The following RCBTB2 variants were observed in gnomAD, a reference collection of about 807,000 sequenced individuals.
The protein encoded by RCBTB2 is RCC1 and BTB domain-containing protein 2.
A neutral mutation model predicts 65.4 loss-of-function variants in RCBTB2; 55 were observed. That is an observed-to-expected ratio of 0.84 (90% CI 0.68 to 1.05). The LOEUF is 1.05. Ranked by LOEUF, RCBTB2 falls within the 50% of genes least tolerant of loss-of-function variation. RCBTB2 has a pLI of 0.00. For missense variants in RCBTB2, 599 were observed against 680.1 expected (o/e 0.88, Z 1.33); for synonymous variants, 220 against 255.2 (o/e 0.86, Z 1.31).
At chr13:48,503,299 G>A (rs764740275) in intron 10 of RCBTB2, among the ~76,000 whole-genome samples, 12 of 152,112 alleles carry the variant, frequency 7.9e-5, no homozygotes, top group Non-Finnish European at 1.3e-4. Flanking sequence ...ATCACTTACT[G>A]AAGAAAATAA....
chr13:48,531,238 TG>T (rs1263026328), intron 1 of RCBTB2, among the ~76,000 whole-genome samples: 1 of 152,250 alleles, frequency 6.6e-6, no homozygotes, highest in Non-Finnish European at 1.5e-5. Context: ...CAATTTTTGT[TG>T]AATAAATGAA....
chr13:48,518,472 A>AAAAAATATATAT (rs1491137365), intron 4 of RCBTB2, among the ~76,000 whole-genome samples: 141 of 116,556 alleles, frequency 1.2e-3, no homozygotes, highest in African/African-American at 5.2e-3. Context: ...AAAAAAAAAA[A>AAAAAATATATAT]ATATATATAT....
chr13:48,509,407 T>C (rs1274098165), intron 10 of RCBTB2, among the ~76,000 whole-genome samples: 2 of 152,208 alleles, frequency 1.3e-5, no homozygotes, highest in African/African-American at 4.8e-5. Flanking sequence ...CCTTTAACTC[T>C]GTTTTTCAGT....
chr13:48,490,315 G>T, intron 14 of RCBTB2, 64 bp from the exon 15 acceptor site: 1 of 1,440,914 alleles, frequency 6.9e-7, no homozygotes, highest in Non-Finnish European at 9.6e-7. Context: ...AACATAGCAT[G>T]AAAATCGCTA....
chr13:48,534,664 C>A (rs191614300), upstream of RCBTB2, among the ~76,000 whole-genome samples: 9 of 152,340 alleles, frequency 5.9e-5, no homozygotes, highest in Admixed American at 5.9e-4. Context: ...GAATGTGTTT[C>A]ACTAAAGATT....
intron 1 of RCBTB2, chr13:48,532,125 C>T: frequency 6.6e-6 from 1 of 152,214 alleles, no homozygotes; most frequent in Non-Finnish European, 1.5e-5. Flanking sequence ...ACTGTTGCAA[C>T]ATTTTATGTA....
chr13:48,516,016 A>G (rs1319052973), intron 4 of RCBTB2, among the ~76,000 whole-genome samples: 3 of 152,220 alleles, frequency 2.0e-5, no homozygotes, highest in Non-Finnish European at 2.9e-5. Context: ...TGGGAACTGA[A>G]TGTTCAGCAG....
chr13:48,490,760 G>A (rs1949665273), intron 14 of RCBTB2, among the ~76,000 whole-genome samples: 1 of 152,132 alleles, frequency 6.6e-6, no homozygotes, highest in African/African-American at 2.4e-5. Flanking sequence ...TTCTCTTTAT[G>A]AGACGACACA....
intron 10 of RCBTB2, 151 bp downstream of exon 10, chr13:48,510,478 C>G (rs566531475): frequency 5.1e-6 from 5 of 982,644 alleles, no homozygotes; most frequent in East Asian, 5.1e-5. Flanking sequence ...CCCAACAATT[C>G]CAAAGCCAAT....
chr13:48,513,442 A>C (rs1950916435), intron 6 of RCBTB2, among the ~76,000 whole-genome samples: 2 of 152,184 alleles, frequency 1.3e-5, no homozygotes, highest in Non-Finnish European at 2.9e-5. Context: ...TCTTGCATAC[A>C]AATGTTTAGT....
chr13:48,533,713 A>T (rs1239660804), upstream of RCBTB2, among the ~76,000 whole-genome samples: 1 of 152,218 alleles, frequency 6.6e-6, no homozygotes, highest in East Asian at 1.9e-4. Flanking sequence ...TTATTATATT[A>T]CACTGCACTT....
At chr13:48,512,646 A>G (rs932969732) in intron 7 of RCBTB2, 83 bp downstream of exon 7, 2 of 1,148,900 alleles carry the variant, frequency 1.7e-6, no homozygotes, top group African/African-American at 3.1e-5. Flanking sequence ...TTTTAATCAA[A>G]TGATTGTATT....
At chr13:48,508,224 A>T (rs535137311) in intron 10 of RCBTB2, among the ~76,000 whole-genome samples, 137 of 152,298 alleles carry the variant, frequency 9.0e-4, no homozygotes, top group African/African-American at 3.2e-3. Context: ...CATATACTTG[A>T]CTTTCCCATC....
chr13:48,502,920 T>G lies in RCBTB2; in HGVS notation c.927-6A>C, dbSNP rs1342978531. 2 of 1,605,000 alleles carry G rather than the reference T, an allele frequency of 1.2e-6. No individual in the cohort carries two copies. The highest frequency in any genetic ancestry group is 3.4e-5 in the Admixed American group (2 of 59,580). On this transcript the variant is annotated splice_polypyrimidine_tract_variant and splice_region_variant and intron_variant, in intron 10 of 14. Coordinates refer to ENST00000344532, the MANE Select transcript of RCBTB2 (RefSeq NM_001268.4). ...AGGCTGCAATCTCGATAATCCTAAA[T>G]TCACAAACACACACCACATAAGCAC... is the stretch of plus-strand genomic sequence containing the variant.
intron 10 of RCBTB2, 25 bp downstream of exon 10, chr13:48,510,604 G>A: frequency 6.2e-7 from 1 of 1,612,282 alleles, no homozygotes; most frequent in Middle Eastern, 1.8e-4. Flanking sequence ...GACCAGTGTG[G>A]GGACTGTGAA....
intron 1 of RCBTB2, among the ~76,000 whole-genome samples, chr13:48,526,330 G>A (rs974903285): frequency 6.6e-6 from 1 of 152,096 alleles, no homozygotes; most frequent in Non-Finnish European, 1.5e-5. Context: ...GCCCCCAAAA[G>A]TTTGAGACTA....
At chr13:48,513,482 G>T (rs1453865859) in intron 6 of RCBTB2, among the ~76,000 whole-genome samples, 1 of 152,004 alleles carries the variant, frequency 6.6e-6, no homozygotes, top group Non-Finnish European at 1.5e-5. Flanking sequence ...TAAATAAATG[G>T]AATCATACAG....
At position 48,490,067 on chromosome 13, in the gene RCBTB2, T is replaced by C; in HGVS notation, c.*44A>G. The C allele has an allele frequency of 6.2e-7, 1 of 1,608,674 alleles. No homozygotes were observed. Among genetic ancestry groups the C allele is most frequent in the South Asian group, 1.1e-5 (1 of 90,854 alleles). On this transcript the variant is annotated 3_prime_UTR_variant, in exon 15 of 15. Coordinates refer to ENST00000344532, the MANE Select transcript of RCBTB2 (RefSeq NM_001268.4). ...AGAGAAGTGATTCATCTCTGGCTTTTGCAGGGGAAATGGAAAGGCTCAAAA... is the reference window on the plus strand; with the variant it reads ...AGAGAAGTGATTCATCTCTGGCTTTCGCAGGGGAAATGGAAAGGCTCAAAA...
At chr13:48,529,560 A>G (rs1951991249) in intron 1 of RCBTB2, among the ~76,000 whole-genome samples, 1 of 152,230 alleles carries the variant, frequency 6.6e-6, no homozygotes, top group African/African-American at 2.4e-5. Flanking sequence ...TGAAGACGTA[A>G]AAGAAACCCA....
Sources: allele counts gnomAD v4.1 joint callset (sites outside exome capture counted in the v4.1 genomes callset), GRCh38; gene constraint gnomAD v4.1.1; transcripts MANE v1.5; gene names NCBI Gene and HGNC (gene_info 2026-07-23, HGNC 2026-07-21).